The following CEP162 variants were observed in gnomAD, a reference collection of about 807,000 sequenced individuals.
CEP162 encodes centrosomal protein of 162 kDa.
CEP162 carries 141 observed loss-of-function variants against 169.2 expected under a neutral mutation model. The ratio of observed to expected loss-of-function variants is 0.83; its 90% CI spans 0.73 to 0.96. The LOEUF is 0.96. Ranked by LOEUF, CEP162 falls within the 40% of genes least tolerant of loss-of-function variation. The probability of loss-of-function intolerance (pLI) is 0.00; values close to 1 mark genes in which losing one functional copy is unlikely to be tolerated. For synonymous variants in CEP162, 540 were observed against 526.4 expected (o/e 1.03, Z -0.35); for missense variants, 1,600 against 1,587.2 (o/e 1.01, Z -0.14).
intron 7 of CEP162, among the ~76,000 whole-genome samples, chr6:84,202,351 C>T (rs1417903786): frequency 6.6e-6 from 1 of 152,006 alleles, no homozygotes; most frequent in African/African-American, 2.4e-5. Flanking sequence ...TGGGACCTTC[C>T]AATAACAGAG....
intron 3 of CEP162, among the ~76,000 whole-genome samples, chr6:84,218,275 C>A (rs2099552310): frequency 6.6e-6 from 1 of 152,140 alleles, no homozygotes; most frequent in Non-Finnish European, 1.5e-5. Flanking sequence ...GCCACATTTG[C>A]AGATGCAAAA....
At chr6:84,178,727 G>A (rs755691129) in intron 13 of CEP162, among the ~76,000 whole-genome samples, 13 of 152,080 alleles carry the variant, frequency 8.5e-5, no homozygotes, top group Non-Finnish European at 1.2e-4. Flanking sequence ...TGTTACATAT[G>A]TATACATGTT....
At chr6:84,212,907 A>G (rs995234848) in intron 6 of CEP162, 50 bp downstream of exon 6, 1 of 1,085,290 alleles carries the variant, frequency 9.2e-7, no homozygotes, top group Non-Finnish European at 1.3e-6. Flanking sequence ...CTTTATTAAA[A>G]GCTATATTAT....
chr6:84,144,199 T>C (rs1347495070), intron 25 of CEP162, among the ~76,000 whole-genome samples: 4 of 152,020 alleles, frequency 2.6e-5, no homozygotes, highest in African/African-American at 2.4e-5. Flanking sequence ...TCAAAGTAAT[T>C]AGGCTTATTT....
intron 8 of CEP162, 113 bp downstream of exon 8, chr6:84,201,624 C>A: frequency 4.9e-6 from 3 of 611,652 alleles, no homozygotes; most frequent in Non-Finnish European, 5.8e-6. Flanking sequence ...ACTTCAATGC[C>A]TTAGAAATAT....
At chr6:84,194,450 A>C (rs1248263625) in intron 10 of CEP162, among the ~76,000 whole-genome samples, 2 of 134,906 alleles carry the variant, frequency 1.5e-5, no homozygotes, top group East Asian at 4.0e-4. Flanking sequence ...TTCATTTGAA[A>C]AAATCTTTTT....
In CEP162 at chr6:84,153,335, T is replaced by C. The variant is rs75856045; in HGVS notation, c.2995-156A>G. Among the ~76,000 whole-genome samples, 1,383 of 152,330 alleles carry C rather than the reference T, an allele frequency of 9.1e-3. 15 individuals are homozygous for C. Among genetic ancestry groups the C allele is most frequent in the South Asian group, 0.02 (97 of 4,828 alleles). On this transcript the variant is annotated intron_variant, in intron 22 of 26. Transcript: ENST00000403245. Reference sequence around the variant, plus strand: ...CTGTTTCTTGAGTGAGTCAAATGTATTGAAGTCCTAGTCTTTCAGGGCATA... The same window carrying C: ...CTGTTTCTTGAGTGAGTCAAATGTACTGAAGTCCTAGTCTTTCAGGGCATA...
At chr6:84,179,573 T>A (rs942715982) in intron 13 of CEP162, among the ~76,000 whole-genome samples, 1 of 152,180 alleles carries the variant, frequency 6.6e-6, no homozygotes, top group East Asian at 1.9e-4. Context: ...TAGCCCTTTG[T>A]CAGATGAGTA....
rs2129202618 is a variant in CEP162, at chr6:84,152,846, T to C, written c.3328A>G (p.Arg1110Gly). ...EIQDLSKTVE[R>G]LQKDRRMMLS... is the part of the protein sequence containing the mutation. ...ATCATTCTTCTGTCTTTCTGAAGCC[T>C]CTCCACAGTTTTTGAGAGGTCTTGT... Residue 1110 changes from arginine to glycine, a missense_variant, in exon 23 of 27, where the codon AGG (arginine) becomes GGG (glycine). Transcript: ENST00000403245. 2.5e-6 allele frequency: 4 copies of C among 1,613,720 alleles called. No individual in the cohort carries two copies. Among genetic ancestry groups the C allele is most frequent in the African/African-American group, 1.3e-5 (1 of 75,044 alleles).
At chr6:84,205,506 A>T (rs1344208139) in intron 6 of CEP162, among the ~76,000 whole-genome samples, 2 of 152,246 alleles carry the variant, frequency 1.3e-5, no homozygotes, top group Non-Finnish European at 2.9e-5. Context: ...AAGGCCTTTG[A>T]CAAAATTCAA....
chr6:84,225,807 A>G (rs372556631), intron 2 of CEP162, among the ~76,000 whole-genome samples: 1 of 152,274 alleles, frequency 6.6e-6, no homozygotes, highest in East Asian at 1.9e-4. Context: ...GCCTCTCTGA[A>G]GTGGTGATAT....
chr6:84,226,354 C>T lies in CEP162; in HGVS notation c.40G>A (p.Glu14Lys), dbSNP rs1216401208. The change falls in exon 2 of 27, where the codon GAA becomes AAA. Residue 14 changes from glutamate to lysine, a missense_variant. Coordinates refer to ENST00000403245, the MANE Select transcript of CEP162 (RefSeq NM_014895.4). ...AAACTTACCTCTTTCATAAACTGTT[C>T]AAACTCTTCATCTAGCTCTTCTTGG... ...CSQEELDEEF[E>K]QFMKELSDDS... is the part of the protein sequence containing the mutation. 1.3e-6 allele frequency: 2 copies of T among 1,563,476 alleles called. No individual in the cohort carries two copies. Among genetic ancestry groups the T allele is most frequent in the Admixed American group, 3.8e-5 (2 of 52,724 alleles).
intron 7 of CEP162, among the ~76,000 whole-genome samples, chr6:84,203,764 T>A (rs1292828927): frequency 6.6e-6 from 1 of 152,212 alleles, no homozygotes; most frequent in East Asian, 1.9e-4. Flanking sequence ...AAATCTCTCA[T>A]AAAATCATTA....
At chr6:84,200,992 A>C in intron 8 of CEP162, 87 bp from the exon 9 acceptor site, 1 of 825,250 alleles carries the variant, frequency 1.2e-6, no homozygotes, top group Non-Finnish European at 2.0e-6. Context: ...AACATATGCA[A>C]TGCAGGCCGG....
At chr6:84,142,044 C>T (rs191644766) in intron 25 of CEP162, among the ~76,000 whole-genome samples, 1 of 152,092 alleles carries the variant, frequency 6.6e-6, no homozygotes, top group Admixed American at 6.6e-5. Flanking sequence ...CTAAAACAAC[C>T]CCCACATACA....
chr6:84,200,379 G>T (rs2099543993), intron 9 of CEP162, among the ~76,000 whole-genome samples: 1 of 152,184 alleles, frequency 6.6e-6, no homozygotes, highest in Admixed American at 6.5e-5. Flanking sequence ...TTGGTCTCAG[G>T]TATTTCAGAA....
intron 25 of CEP162, among the ~76,000 whole-genome samples, chr6:84,129,290 T>A (rs532217372): frequency 4.7e-4 from 72 of 152,322 alleles, no homozygotes; most frequent in African/African-American, 1.7e-3. Context: ...GTGGTTGAAC[T>A]AATTTACACT....
At chr6:84,139,717 A>G (rs992770383) in intron 25 of CEP162, among the ~76,000 whole-genome samples, 3 of 152,184 alleles carry the variant, frequency 2.0e-5, no homozygotes, top group Non-Finnish European at 4.4e-5. Context: ...CTTCTTTTCC[A>G]TATTCAGATT....
chr6:84,192,015 A>G (rs1474449048), intron 11 of CEP162, among the ~76,000 whole-genome samples: 1 of 152,210 alleles, frequency 6.6e-6, no homozygotes, highest in East Asian at 1.9e-4. Flanking sequence ...GGATGATGTC[A>G]TAACAATCTT....
Sources: gnomAD v4.1 joint callset for allele counts (sites outside exome capture counted in the v4.1 genomes callset) on GRCh38, gnomAD v4.1.1 for gene constraint, MANE v1.5 for transcripts, NCBI Gene and HGNC (gene_info 2026-07-23, HGNC 2026-07-21) for gene names.